Variants in VKORC1L1 observed in about 807,000 individuals in gnomAD.
VKORC1L1 encodes vitamin K epoxide reductase complex subunit 1-like protein 1.
Under a neutral mutation model 18.9 loss-of-function variants are expected in VKORC1L1, and 2 were observed. That is an observed-to-expected ratio of 0.11 (90% CI 0.04 to 0.33). The LOEUF (loss-of-function observed/expected upper bound fraction) is 0.33, where lower values mean the gene tolerates loss of function less well. VKORC1L1 is among the 10% of genes least tolerant of loss of function. The probability of loss-of-function intolerance (pLI) is 1.00; values close to 1 mark genes in which losing one functional copy is unlikely to be tolerated. For missense variants in VKORC1L1, 123 were observed against 224.1 expected, an observed-to-expected ratio of 0.55 and a Z score of 2.88; for synonymous variants, 96 against 100.0, an observed-to-expected ratio of 0.96 and a Z score of 0.24.
intron 1 of VKORC1L1, among the ~76,000 whole-genome samples, chr7:65,921,187 ATAG>A (rs1233873226): frequency 6.6e-6 from 1 of 152,130 alleles, no homozygotes; most frequent in South Asian, 2.1e-4. Flanking sequence ...ACAGGTGTTG[ATAG>A]TAGTATTTTT....
At chr7:65,872,846 G>C (rs1174302341), upstream of VKORC1L1, among the ~76,000 whole-genome samples, 6 of 152,144 alleles carry the variant, frequency 3.9e-5, no homozygotes, top group African/African-American at 1.4e-4. Context: ...CATCCCCAGA[G>C]GGAGGGGCCG....
At position 65,916,904 on chromosome 7, in the gene VKORC1L1, A is replaced by G. The variant is rs1789598228; in HGVS notation, c.195-31767A>G. On this transcript the variant is annotated intron_variant, in intron 1 of 2. Coordinates refer to ENST00000360768, the MANE Select transcript of VKORC1L1 (RefSeq NM_173517.6). Reference sequence around the variant, plus strand: ...TGAGCTACCAAGCCTGGCCTGAAATATCTTTTTTTAGGATAACAGTTCATG... The same window carrying G: ...TGAGCTACCAAGCCTGGCCTGAAATGTCTTTTTTTAGGATAACAGTTCATG... Among the ~76,000 whole-genome samples the G allele has an allele frequency of 2.0e-5, 3 of 152,240 alleles. No individual in the cohort carries two copies. In the South Asian group the frequency reaches 6.2e-4, roughly 32 times the overall value.
intron 1 of VKORC1L1, among the ~76,000 whole-genome samples, chr7:65,944,494 G>A (rs1364015944): frequency 6.6e-6 from 1 of 151,852 alleles, no homozygotes; most frequent in Non-Finnish European, 1.5e-5. Context: ...TTGTTTTTTT[G>A]TATGCGTTTT....
At chr7:65,919,175 C>T (rs564189516) in intron 1 of VKORC1L1, among the ~76,000 whole-genome samples, 2 of 152,270 alleles carry the variant, frequency 1.3e-5, no homozygotes, top group African/African-American at 2.4e-5. Flanking sequence ...TCCCCATAGT[C>T]CTACACTACC....
chr7:65,866,650 T>C, the VKORC1L1 span, among the ~76,000 whole-genome samples: 1 of 152,108 alleles, frequency 6.6e-6, no homozygotes, highest in Non-Finnish European at 1.5e-5. Context: ...TGCTTCATAC[T>C]TGTAATCCCA....
upstream of VKORC1L1, among the ~76,000 whole-genome samples, chr7:65,870,735 T>C (rs1788716268): frequency 6.6e-6 from 1 of 152,210 alleles, no homozygotes; most frequent in South Asian, 2.1e-4. Context: ...TGCAGGAGTC[T>C]ACTTAGATTT....
chr7:65,868,004 G>A, the VKORC1L1 span, among the ~76,000 whole-genome samples: 3 of 152,104 alleles, frequency 2.0e-5, no homozygotes. Flanking sequence ...ATGCCACCAT[G>A]CCCAGCTAAT....
chr7:65,912,119 A>G (rs1330440231), intron 1 of VKORC1L1, among the ~76,000 whole-genome samples: 4 of 152,176 alleles, frequency 2.6e-5, no homozygotes, highest in African/African-American at 4.8e-5. Flanking sequence ...GCAAGACCCC[A>G]TCTCAGGGAA....
intron 1 of VKORC1L1, among the ~76,000 whole-genome samples, chr7:65,940,384 A>C (rs1182282495): frequency 6.6e-6 from 1 of 152,220 alleles, no homozygotes; most frequent in Non-Finnish European, 1.5e-5. Flanking sequence ...CAGAAGAAAG[A>C]TATTTTTAGA....
chr7:65,921,040 C>G (rs971532879), intron 1 of VKORC1L1, among the ~76,000 whole-genome samples: 1 of 151,920 alleles, frequency 6.6e-6, no homozygotes, highest in Middle Eastern at 3.4e-3. Flanking sequence ...GCTTCTCTTA[C>G]ATTTATTAGT....
chr7:65,880,932 A>C (rs1207266275), intron 1 of VKORC1L1, among the ~76,000 whole-genome samples: 1 of 152,190 alleles, frequency 6.6e-6, no homozygotes, highest in Non-Finnish European at 1.5e-5. Flanking sequence ...CCTAATCCGA[A>C]AATCCAAAAT....
chr7:65,933,409 T>G (rs1226049202), intron 1 of VKORC1L1, among the ~76,000 whole-genome samples: 2 of 152,200 alleles, frequency 1.3e-5, no homozygotes, highest in East Asian at 3.8e-4. Context: ...TCCCTTGTCC[T>G]GGAGACTACA....
chr7:65,905,290 A>G (rs548347067), intron 1 of VKORC1L1, among the ~76,000 whole-genome samples: 21 of 152,200 alleles, frequency 1.4e-4, no homozygotes, highest in African/African-American at 4.3e-4. Context: ...AGTTGTTTTA[A>G]ATTGGCGTGG....
chr7:65,872,631 A>G (rs1024255415), upstream of VKORC1L1, among the ~76,000 whole-genome samples: 3 of 152,086 alleles, frequency 2.0e-5, no homozygotes, highest in Non-Finnish European at 4.4e-5. Flanking sequence ...CCCGGTCCAT[A>G]AATCATTTTT....
chr7:65,914,891 A>G (rs534146188), intron 1 of VKORC1L1, among the ~76,000 whole-genome samples: 1 of 152,208 alleles, frequency 6.6e-6, no homozygotes, highest in South Asian at 2.1e-4. Context: ...TTGTGGTCCC[A>G]GGTACATGGG....
At position 65,957,491 on chromosome 7, in the gene VKORC1L1, AAAAG is replaced by A. The variant is rs1432448520; in HGVS notation, c.*3193_*3196del. ...GCGAGACTGTCCCCCCCCCAAAAAA[AAAAG>A]AGAGAGACTGCATTCAAAGAGGACC... On this transcript the variant is annotated 3_prime_UTR_variant, in exon 3 of 3. Transcript: ENST00000360768. 1.3e-5 allele frequency: 2 copies of A among 148,718 alleles called. No homozygotes were observed. The highest frequency in any genetic ancestry group is 1.5e-5 in the Non-Finnish European group (1 of 67,304). The allele number at this position is 148,718 out of a possible 1,614,324, so 9.2% of individuals were successfully genotyped here. A position where few individuals can be genotyped will look rare whatever the true frequency, so the allele number is the denominator to read the frequency against.
chr7:65,903,773 C>CAAAAAAA (rs59067443), intron 1 of VKORC1L1, among the ~76,000 whole-genome samples: 1 of 113,244 alleles, frequency 8.8e-6, no homozygotes, highest in South Asian at 3.0e-4. Context: ...GACCGTGTCT[C>CAAAAAAA]AAAAAAAAAA....
intron 1 of VKORC1L1, among the ~76,000 whole-genome samples, chr7:65,920,118 T>C (rs994147923): frequency 1.3e-5 from 2 of 152,132 alleles, no homozygotes; most frequent in African/African-American, 2.4e-5. Flanking sequence ...CGGGCATGCA[T>C]GACTTGCTTT....
chr7:65,880,113 CA>C lies in VKORC1L1; in HGVS notation c.194+6551del, dbSNP rs759181712. ...CAAGCAGTCTTCCCACTTGGCCTCC[CA>C]AAGTGCTGAGATTACAGGTGTGAGC... On this transcript the variant is annotated intron_variant, in intron 1 of 2. Coordinates refer to ENST00000360768, the MANE Select transcript of VKORC1L1 (RefSeq NM_173517.6). Among the ~76,000 whole-genome samples the C allele has an allele frequency of 5.9e-5, 9 of 152,136 alleles. No individual in the cohort carries two copies. In the East Asian group the frequency reaches 1.7e-3, roughly 29 times the overall value.
Sources: allele counts gnomAD v4.1 joint callset (sites outside exome capture counted in the v4.1 genomes callset), GRCh38; gene constraint gnomAD v4.1.1; transcripts MANE v1.5; gene names NCBI Gene and HGNC (gene_info 2026-07-23, HGNC 2026-07-21).